CNTNAP2: variants seen among roughly 807,000 people sequenced by gnomAD.
CNTNAP2 encodes the protein contactin-associated protein-like 2.
In CNTNAP2, 98 loss-of-function variants were observed where a neutral mutation model predicts 155.2. The ratio of observed to expected loss-of-function variants is 0.63; its 90% CI spans 0.54 to 0.75. The LOEUF is 0.75. Ranked by LOEUF, CNTNAP2 falls within the 30% of genes least tolerant of loss-of-function variation. The probability of loss-of-function intolerance (pLI) is 0.00; values close to 1 mark genes in which losing one functional copy is unlikely to be tolerated. For missense variants in CNTNAP2, 1,727 were observed against 1,688.1 expected (o/e 1.02, Z -0.40); for synonymous variants, 651 against 631.2 (o/e 1.03, Z -0.47).
At chr7:147,239,361 T>G (rs1327856437) in intron 8 of CNTNAP2, among the ~76,000 whole-genome samples, 1 of 151,654 alleles carries the variant, frequency 6.6e-6, no homozygotes, top group Non-Finnish European at 1.5e-5. Context: ...AAATACAAAA[T>G]TAGCTGGGTG....
At chr7:147,494,515 A>C (rs1023565855) in intron 11 of CNTNAP2, among the ~76,000 whole-genome samples, 1 of 150,186 alleles carries the variant, frequency 6.7e-6, no homozygotes, top group African/African-American at 2.4e-5. Context: ...ATTGAAAAGC[A>C]GTGTGCTGTA....
At chr7:147,741,290 A>T (rs1176233791) in intron 13 of CNTNAP2, among the ~76,000 whole-genome samples, 1 of 152,212 alleles carries the variant, frequency 6.6e-6, no homozygotes, top group African/African-American at 2.4e-5. Context: ...GGCTTCATGT[A>T]CTTGCCTGAC....
chr7:146,803,498 G>T (rs778037616), intron 2 of CNTNAP2, among the ~76,000 whole-genome samples: 2 of 152,028 alleles, frequency 1.3e-5, no homozygotes, highest in Non-Finnish European at 2.9e-5. Flanking sequence ...TGACAGCAAT[G>T]GTGCATTTTC....
chr7:147,734,802 A>G (rs184286217), intron 13 of CNTNAP2, among the ~76,000 whole-genome samples: 1,674 of 152,280 alleles, frequency 0.011, 95 homozygotes, highest in Admixed American at 0.087. Flanking sequence ...GTTTGTTTGC[A>G]TAGAGGTGTT....
intron 17 of CNTNAP2, among the ~76,000 whole-genome samples, chr7:148,155,178 G>A (rs1170393138): frequency 6.6e-6 from 1 of 152,040 alleles, no homozygotes; most frequent in Non-Finnish European, 1.5e-5. Flanking sequence ...TTGACTTACC[G>A]AAGGTCGTGC....
chr7:147,762,953 A>G (rs1797328360), intron 13 of CNTNAP2, among the ~76,000 whole-genome samples: 1 of 152,124 alleles, frequency 6.6e-6, no homozygotes, highest in Admixed American at 6.6e-5. Flanking sequence ...AGTTTGTTGT[A>G]TGTGCAATCA....
intron 9 of CNTNAP2, among the ~76,000 whole-genome samples, chr7:147,355,102 C>T (rs180791720): frequency 9.2e-5 from 14 of 151,820 alleles, no homozygotes; most frequent in African/African-American, 3.1e-4. Flanking sequence ...TGACATCTGG[C>T]TTGAGGAGCT....
At chr7:146,394,473 G>A (rs1345721697) in intron 1 of CNTNAP2, among the ~76,000 whole-genome samples, 1 of 149,394 alleles carries the variant, frequency 6.7e-6, no homozygotes, top group Non-Finnish European at 1.5e-5. Context: ...AGTCTTTTTT[G>A]GAGACTGTGA....
chr7:146,874,544 G>A (rs1032017320), intron 3 of CNTNAP2, among the ~76,000 whole-genome samples: 8 of 151,920 alleles, frequency 5.3e-5, no homozygotes, highest in Admixed American at 6.6e-5. Flanking sequence ...TCACCATGTT[G>A]GTCAGGCTTT....
At chr7:147,256,629 T>A (rs1496549) in intron 8 of CNTNAP2, among the ~76,000 whole-genome samples, 1 of 151,972 alleles carries the variant, frequency 6.6e-6, no homozygotes. Flanking sequence ...TAGGCATACT[T>A]CATAAAATTA....
At chr7:148,076,627 G>A (rs1262204536) in intron 15 of CNTNAP2, among the ~76,000 whole-genome samples, 3 of 151,476 alleles carry the variant, frequency 2.0e-5, no homozygotes, top group Admixed American at 6.6e-5. Context: ...AGTACAGACG[G>A]GGTTTCACCG....
At chr7:147,452,843 A>C (rs920787511) in intron 10 of CNTNAP2, among the ~76,000 whole-genome samples, 4 of 151,234 alleles carry the variant, frequency 2.6e-5, no homozygotes, top group Admixed American at 1.3e-4. Flanking sequence ...ACGTAGAGTA[A>C]TGTGGAAAGG....
intron 15 of CNTNAP2, among the ~76,000 whole-genome samples, chr7:148,041,716 G>A (rs2116479237): frequency 6.6e-6 from 1 of 152,236 alleles, no homozygotes; most frequent in East Asian, 1.9e-4. Context: ...CATTAGTATA[G>A]TTTCAGGCAA....
At chr7:147,657,209 C>T (rs79196987) in intron 13 of CNTNAP2, among the ~76,000 whole-genome samples, 15,777 of 152,108 alleles carry the variant, frequency 0.1, 1,005 homozygotes, top group Middle Eastern at 0.23. Flanking sequence ...TTGAAAATAA[C>T]ATATGTGGGG....
intron 1 of CNTNAP2, among the ~76,000 whole-genome samples, chr7:146,449,982 C>A (rs1796455120): frequency 6.6e-6 from 1 of 152,120 alleles, no homozygotes; most frequent in Non-Finnish European, 1.5e-5. Flanking sequence ...TCCACTATTT[C>A]TATACAGAAC....
chr7:148,274,343 G>T (rs1416760310), intron 21 of CNTNAP2, among the ~76,000 whole-genome samples: 1 of 151,782 alleles, frequency 6.6e-6, no homozygotes, highest in Non-Finnish European at 1.5e-5. Context: ...CATAAGGACT[G>T]ACTTAAGGGC....
intron 9 of CNTNAP2, among the ~76,000 whole-genome samples, chr7:147,319,020 ATCT>A (rs1202289603): frequency 2.0e-5 from 3 of 152,124 alleles, no homozygotes; most frequent in Non-Finnish European, 4.4e-5. Flanking sequence ...GATAAAAGTA[ATCT>A]TCTGACATAG....
intron 5 of CNTNAP2, among the ~76,000 whole-genome samples, chr7:147,116,930 C>A (rs1801003439): frequency 6.6e-6 from 1 of 152,182 alleles, no homozygotes; most frequent in Non-Finnish European, 1.5e-5. Context: ...CCACAGGCTG[C>A]AAAGGCCCAG....
intron 18 of CNTNAP2, among the ~76,000 whole-genome samples, chr7:148,203,211 ATATG>A (rs1159090340): frequency 6.6e-6 from 1 of 152,160 alleles, no homozygotes; most frequent in Non-Finnish European, 1.5e-5. Flanking sequence ...AATGAAAAAA[ATATG>A]TATATGGCCA....
Sources: allele counts gnomAD v4.1 joint callset (sites outside exome capture counted in the v4.1 genomes callset), GRCh38; gene constraint gnomAD v4.1.1; transcripts MANE v1.5; gene names NCBI Gene and HGNC (gene_info 2026-07-23, HGNC 2026-07-21).